The following TMEM132C variants were observed in gnomAD, a reference collection of about 807,000 sequenced individuals.
TMEM132C encodes protein phosphatase 1, regulatory subunit 152.
A neutral mutation model predicts 61.4 loss-of-function variants in TMEM132C; 29 were observed. The observed-to-expected ratio is 0.47, with a 90% CI of 0.35 to 0.64. TMEM132C has a LOEUF of 0.64. Among genes scored for constraint, TMEM132C ranks in the 30% least tolerant of loss-of-function variants. The probability of loss-of-function intolerance (pLI) is 0.00; values close to 1 mark genes in which losing one functional copy is unlikely to be tolerated. For missense variants in TMEM132C, 1,408 were observed against 1,476.9 expected, an observed-to-expected ratio of 0.95 and a Z score of 0.76; for synonymous variants, 656 against 633.1, an observed-to-expected ratio of 1.04 and a Z score of -0.54.
intron 2 of TMEM132C, among the ~76,000 whole-genome samples, chr12:128,494,018 C>T (rs1413315088): frequency 7.9e-5 from 12 of 151,650 alleles, no homozygotes; most frequent in East Asian, 3.9e-4. Context: ...TTTTGAGATA[C>T]GTCGCATCAA....
intron 2 of TMEM132C, among the ~76,000 whole-genome samples, chr12:128,513,955 G>A (rs571825180): frequency 5.2e-4 from 79 of 152,302 alleles, no homozygotes; most frequent in Admixed American, 9.2e-4. Context: ...AAGACAGACC[G>A]TAGGGAGGGT....
chr12:128,329,031 G>C (rs975737121), intron 1 of TMEM132C, among the ~76,000 whole-genome samples: 1 of 152,166 alleles, frequency 6.6e-6, no homozygotes, highest in East Asian at 1.9e-4. Flanking sequence ...GTCTTGAGTC[G>C]GAGATTTCTA....
In TMEM132C at chr12:128,349,238, A is replaced by G. The variant is rs540125502; in HGVS notation, c.86-65494A>G. On this transcript the variant is annotated intron_variant, in intron 1 of 8. Coordinates refer to ENST00000435159, the MANE Select transcript of TMEM132C (RefSeq NM_001136103.3). Reference sequence around the variant, plus strand: ...AGGCTGGTCTTGAACTCCTGACCTCAGTGATCCACCCATCTTGGCCTCCCA... The same window carrying G: ...AGGCTGGTCTTGAACTCCTGACCTCGGTGATCCACCCATCTTGGCCTCCCA... Among the ~76,000 whole-genome samples the G allele has an allele frequency of 2.0e-5, 3 of 152,272 alleles. No homozygotes were observed. The South Asian group carries it at 6.2e-4, about 32-fold the overall frequency.
intron 3 of TMEM132C, among the ~76,000 whole-genome samples, chr12:128,550,284 A>C (rs1874123437): frequency 6.7e-6 from 1 of 149,616 alleles, no homozygotes; most frequent in African/African-American, 2.5e-5. Flanking sequence ...GCATGGAGAG[A>C]GAGAAGCTCC....
At chr12:128,646,376 C>T (rs1593132263) in intron 4 of TMEM132C, among the ~76,000 whole-genome samples, 1 of 151,766 alleles carries the variant, frequency 6.6e-6, no homozygotes, top group South Asian at 2.1e-4. Context: ...TGGAGTCCAT[C>T]AGCGTTGGAT....
chr12:128,646,957 G>A (rs1174443669), intron 4 of TMEM132C, among the ~76,000 whole-genome samples: 6 of 151,238 alleles, frequency 4.0e-5, no homozygotes, highest in South Asian at 2.1e-4. Context: ...GTCCATCGGC[G>A]TTGGATGTGA....
intron 8 of TMEM132C, among the ~76,000 whole-genome samples, chr12:128,702,624 GAAGGAGGTTGTATT>G (rs1216426800): frequency 6.6e-6 from 1 of 152,184 alleles, no homozygotes; most frequent in African/African-American, 2.4e-5. Context: ...GTTTTGTTCT[GAAGGAGGTTGTATT>G]TGCATTTGCA....
intron 4 of TMEM132C, among the ~76,000 whole-genome samples, chr12:128,666,980 G>T (rs1253091336): frequency 6.6e-6 from 1 of 152,232 alleles, no homozygotes; most frequent in Non-Finnish European, 1.5e-5. Flanking sequence ...TGAGGCAGGA[G>T]AATGGCGTGA....
At chr12:128,373,068 A>G (rs562662721) in intron 1 of TMEM132C, among the ~76,000 whole-genome samples, 32 of 152,316 alleles carry the variant, frequency 2.1e-4, no homozygotes, top group African/African-American at 7.7e-4. Context: ...GTGTCATGCA[A>G]TAAACACATA....
chr12:128,321,948 C>T (rs746405297), intron 1 of TMEM132C, among the ~76,000 whole-genome samples: 8 of 152,184 alleles, frequency 5.3e-5, no homozygotes, highest in Non-Finnish European at 1.2e-4. Context: ...TGGTGGAAAG[C>T]CAGGACTTTG....
rs978752854 is a variant in TMEM132C at position 128,610,930 on chromosome 12, G to A, written c.1122-5222G>A. Among the ~76,000 whole-genome samples the A allele has an allele frequency of 3.4e-4, 51 of 152,100 alleles. 2 individuals carry two copies. Among genetic ancestry groups the A allele is most frequent in the Non-Finnish European group, 5.9e-5 (4 of 68,008 alleles). Reference sequence around the variant, plus strand: ...CGTTCTCAGGAAGCTCCTGAACCAGGCTTCAAAAGTGTGCCTGAATGGTGG... The same window carrying A: ...CGTTCTCAGGAAGCTCCTGAACCAGACTTCAAAAGTGTGCCTGAATGGTGG... On this transcript the variant is annotated intron_variant, in intron 3 of 8. Transcript: ENST00000435159.
intron 3 of TMEM132C, among the ~76,000 whole-genome samples, chr12:128,595,785 A>G (rs565655070): frequency 1.3e-5 from 2 of 152,308 alleles, no homozygotes; most frequent in South Asian, 4.1e-4. Context: ...TAGAAGGGAA[A>G]TCCACCTGGT....
chr12:128,397,183 C>G (rs545231096), intron 1 of TMEM132C, among the ~76,000 whole-genome samples: 1 of 152,166 alleles, frequency 6.6e-6, no homozygotes. Context: ...CACTCCCCCA[C>G]GGGTAGAAGG....
At chr12:128,274,507 T>G (rs1870620549) in intron 1 of TMEM132C, among the ~76,000 whole-genome samples, 1 of 152,184 alleles carries the variant, frequency 6.6e-6, no homozygotes, top group Non-Finnish European at 1.5e-5. Flanking sequence ...AGAAACATCT[T>G]AATACCTTAA....
At chr12:128,577,865 C>T (rs1004687881) in intron 3 of TMEM132C, among the ~76,000 whole-genome samples, 12 of 152,210 alleles carry the variant, frequency 7.9e-5, no homozygotes, top group Non-Finnish European at 1.2e-4. Flanking sequence ...CCACCTTCTT[C>T]GCGGCTCCCC....
chr12:128,483,894 A>G (rs1871398411), intron 2 of TMEM132C, among the ~76,000 whole-genome samples: 1 of 152,064 alleles, frequency 6.6e-6, no homozygotes, highest in Admixed American at 6.5e-5. Context: ...AAGATAATAA[A>G]CCCTCAAAGC....
At chr12:128,405,856 C>G (rs1469633213) in intron 1 of TMEM132C, among the ~76,000 whole-genome samples, 1 of 152,154 alleles carries the variant, frequency 6.6e-6, no homozygotes, top group Non-Finnish European at 1.5e-5. Flanking sequence ...GTACAGAGAG[C>G]TGCACTAGGC....
intron 5 of TMEM132C, among the ~76,000 whole-genome samples, chr12:128,670,749 C>T (rs1954524380): frequency 6.6e-6 from 1 of 152,156 alleles, no homozygotes; most frequent in South Asian, 2.1e-4. Flanking sequence ...CAGGTAACTT[C>T]AATAAGTGAA....
chr12:128,461,968 C>G (rs1244308773), intron 2 of TMEM132C, among the ~76,000 whole-genome samples: 3 of 152,138 alleles, frequency 2.0e-5, no homozygotes, highest in Non-Finnish European at 4.4e-5. Context: ...CAAACACAAT[C>G]GGATTGGAGC....
Sources: gnomAD v4.1 joint callset for allele counts (sites outside exome capture counted in the v4.1 genomes callset) on GRCh38, gnomAD v4.1.1 for gene constraint, MANE v1.5 for transcripts, NCBI Gene and HGNC (gene_info 2026-07-23, HGNC 2026-07-21) for gene names.